FREY1: variants seen among roughly 807,000 people sequenced by gnomAD.
FREY1 encodes the protein protein Frey 1.
the FREY1 span, chr11:45,906,596 GGCAAGGTCGGGCC>G: frequency 1.3e-6 from 2 of 1,573,170 alleles, no homozygotes; most frequent in Non-Finnish European, 1.7e-6. Context: ...AGTAATACTC[GGCAAGGTCGGGCC>G]CGTCCCGCTT....
the FREY1 span, chr11:45,907,022 T>G: frequency 3.8e-6 from 6 of 1,566,926 alleles, no homozygotes; most frequent in Non-Finnish European, 5.3e-6. Context: ...TGGCTCAGTG[T>G]GGGGGCACTT....
the FREY1 span, chr11:45,906,659 C>T: frequency 5.2e-5 from 82 of 1,591,082 alleles, no homozygotes; most frequent in African/African-American, 8.1e-5. Context: ...GAGGCCCTCG[C>T]GGCCTTGGGT....
At chr11:45,906,796 G>A in the FREY1 span, 2 of 1,607,768 alleles carry the variant, frequency 1.2e-6, no homozygotes, top group East Asian at 2.2e-5. Flanking sequence ...CCTGAAGGCT[G>A]GACTTGGGGC....
At chr11:45,907,081 A>G in the FREY1 span, 2 of 1,508,766 alleles carry the variant, frequency 1.3e-6, no homozygotes, top group East Asian at 4.8e-5. Flanking sequence ...CACTCCAGAG[A>G]GGGGAGGGGC....
At chr11:45,906,943 C>A in the FREY1 span, 1 of 1,613,772 alleles carries the variant, frequency 6.2e-7, no homozygotes, top group East Asian at 2.2e-5. Context: ...CCGCTGAGAC[C>A]TGTGGGAGAT....
At chr11:45,906,859 G>A in the FREY1 span, 1 of 1,613,778 alleles carries the variant, frequency 6.2e-7, no homozygotes, top group East Asian at 2.2e-5. Flanking sequence ...GGGGACAAGA[G>A]AGATACTACC....
the FREY1 span, chr11:45,906,750 T>G: frequency 3.2e-6 from 5 of 1,583,188 alleles, no homozygotes; most frequent in Non-Finnish European, 4.3e-6. Context: ...GGAACTGAAG[T>G]CACCCTTGAA....
chr11:45,907,098 T>G, the FREY1 span: 11 of 1,537,930 alleles, frequency 7.2e-6, no homozygotes, highest in Non-Finnish European at 9.7e-6. Flanking sequence ...GGGCAGCACC[T>G]CCACCATCCG....
At chr11:45,906,965 C>T in the FREY1 span, 5 of 1,613,268 alleles carry the variant, frequency 3.1e-6, no homozygotes, top group Non-Finnish European at 4.2e-6. Context: ...TCGGGGTGCT[C>T]AGCCCTGGCC....
chr11:45,907,009 G>T, the FREY1 span: 2 of 1,583,964 alleles, frequency 1.3e-6, no homozygotes, highest in African/African-American at 2.7e-5. Flanking sequence ...GTGAATGGGG[G>T]GATGGCTCAG....
the FREY1 span, chr11:45,906,720 A>AG: frequency 6.3e-7 from 1 of 1,576,192 alleles, no homozygotes; most frequent in South Asian, 1.2e-5. Context: ...CATGGGTGGT[A>AG]GGGGGCAGCT....
At chr11:45,906,906 G>A in the FREY1 span, 2 of 1,613,740 alleles carry the variant, frequency 1.2e-6, no homozygotes, top group African/African-American at 1.3e-5. Context: ...AGAGTTCCAG[G>A]GGGGCGGAAA....
chr11:45,906,883 G>T, the FREY1 span: 1 of 1,613,918 alleles, frequency 6.2e-7, no homozygotes, highest in South Asian at 1.1e-5. Flanking sequence ...CACCAGGCCG[G>T]AAAGTGGCTG....
the FREY1 span, chr11:45,907,106 C>T: frequency 1.3e-6 from 2 of 1,542,666 alleles, no homozygotes; most frequent in East Asian, 2.4e-5. Context: ...CCTCCACCAT[C>T]CGGCCCAAGT....
the FREY1 span, chr11:45,906,773 G>T: frequency 6.2e-7 from 1 of 1,600,938 alleles, no homozygotes. Context: ...GATGTGGTTT[G>T]GGATGACAAG....
At chr11:45,906,999 G>A in the FREY1 span, 1 of 1,593,680 alleles carries the variant, frequency 6.3e-7, no homozygotes, top group Non-Finnish European at 8.6e-7. Context: ...CCACCTCCTT[G>A]TGAATGGGGG....
At chr11:45,906,829 G>A in the FREY1 span, 1 of 1,612,296 alleles carries the variant, frequency 6.2e-7, no homozygotes, top group Non-Finnish European at 8.5e-7. Context: ...CGTCTCCACT[G>A]TCAGGGATGG....
At chr11:45,907,084 G>GCACA in the FREY1 span, 3 of 1,516,596 alleles carry the variant, frequency 2.0e-6, no homozygotes, top group Non-Finnish European at 2.7e-6. Flanking sequence ...TCCAGAGAGG[G>GCACA]GAGGGGCAGC....
chr11:45,906,809 C>T, the FREY1 span: 22 of 1,610,168 alleles, frequency 1.4e-5, no homozygotes, highest in Non-Finnish European at 1.8e-5. Context: ...CTTGGGGCAC[C>T]TCTTAGGGGC....
Sources: allele counts gnomAD v4.1 joint callset, GRCh38; gene constraint gnomAD v4.1.1; transcripts MANE v1.5; gene names NCBI Gene and HGNC (gene_info 2026-07-23, HGNC 2026-07-21).